Variants in FAM149B1 observed in about 807,000 individuals in gnomAD.
The protein encoded by FAM149B1 is family with sequence similarity 149 member B1.
Under a neutral mutation model 75.3 loss-of-function variants are expected in FAM149B1, and 56 were observed. The ratio of observed to expected loss-of-function variants is 0.74; its 90% CI spans 0.60 to 0.93. The LOEUF (loss-of-function observed/expected upper bound fraction) is 0.93. Among genes scored for constraint, FAM149B1 ranks in the 40% least tolerant of loss-of-function variants. The pLI, the probability that FAM149B1 is intolerant of heterozygous loss-of-function variation, is 0.00. For missense variants in FAM149B1, 639 were observed against 708.4 expected, an observed-to-expected ratio of 0.90 and a Z score of 1.11; for synonymous variants, 259 against 256.1, an observed-to-expected ratio of 1.01 and a Z score of -0.11.
chr10:73,213,878 G>C (rs983994407), intron 7 of FAM149B1, among the ~76,000 whole-genome samples: 13 of 152,120 alleles, frequency 8.5e-5, no homozygotes, highest in African/African-American at 2.9e-4. Flanking sequence ...TAATTTGATA[G>C]GGATTGTGTG....
At chr10:73,192,272 C>T (rs2042702920) in intron 3 of FAM149B1, 1 of 177,012 alleles carries the variant, frequency 5.6e-6, no homozygotes, top group South Asian at 1.1e-4. Flanking sequence ...ACAAAGAAAT[C>T]CATAAAGTGG....
chr10:73,210,546 A>G, intron 7 of FAM149B1, 108 bp downstream of exon 7: 1 of 729,694 alleles, frequency 1.4e-6, no homozygotes, highest in Non-Finnish European at 2.2e-6. Context: ...CGTATGGGCC[A>G]GGCACAGTGG....
chr10:73,176,537 G>T (rs1312187682), intron 2 of FAM149B1, among the ~76,000 whole-genome samples: 2 of 152,154 alleles, frequency 1.3e-5, no homozygotes, highest in Non-Finnish European at 2.9e-5. Context: ...TGGTTCTTCA[G>T]TCTCTCAGAA....
At position 73,210,250 on chromosome 10, in the gene FAM149B1, G is replaced by A. The variant is rs1168431912; in HGVS notation, c.711-1G>A. ...GTCTTTCCTTCTTGCTTCTGTTACA[G>A]AGAAGAGGGATTTCATGGGAAGAAA... On this transcript the variant is annotated splice_acceptor_variant, in intron 6 of 13. Transcript: ENST00000242505. LOFTEE classifies it high-confidence loss of function. The A allele has an allele frequency of 1.3e-6, 2 of 1,548,828 alleles. No homozygotes were observed. The highest frequency in any genetic ancestry group is 1.7e-6 in the Non-Finnish European group (2 of 1,144,978).
chr10:73,206,880 A>C (rs1319079288), intron 5 of FAM149B1, among the ~76,000 whole-genome samples: 1 of 152,132 alleles, frequency 6.6e-6, no homozygotes, highest in East Asian at 1.9e-4. Context: ...ACGCCACTGC[A>C]GTCCAGCTTG....
intron 10 of FAM149B1, chr10:73,234,531 T>C: frequency 3.0e-6 from 1 of 336,344 alleles, no homozygotes; most frequent in Non-Finnish European, 5.5e-6. Context: ...AGCAGAGAAG[T>C]GCAATACCAG....
chr10:73,217,688 C>T (rs1308504649), intron 7 of FAM149B1, among the ~76,000 whole-genome samples: 1 of 152,152 alleles, frequency 6.6e-6, no homozygotes, highest in Non-Finnish European at 1.5e-5. Flanking sequence ...TATAATATAA[C>T]GTGATCATGG....
At chr10:73,173,231 C>T (rs533989477) in intron 1 of FAM149B1, among the ~76,000 whole-genome samples, 5 of 152,252 alleles carry the variant, frequency 3.3e-5, no homozygotes, top group Non-Finnish European at 5.9e-5. Context: ...CACTCAGCTT[C>T]CCCCAATGAT....
At chr10:73,185,148 T>G (rs2042489660) in intron 3 of FAM149B1, among the ~76,000 whole-genome samples, 1 of 152,086 alleles carries the variant, frequency 6.6e-6, no homozygotes, top group South Asian at 2.1e-4. Flanking sequence ...AAGACATAAA[T>G]TAACAAATTG....
chr10:73,234,827 C>T lies in FAM149B1; in HGVS notation c.1363C>T (p.Pro455Ser). 6.4e-7 allele frequency: 1 copy of T among 1,551,560 alleles called. No homozygotes were observed. The highest frequency in any genetic ancestry group is 1.2e-5 in the South Asian group (1 of 84,066). Residue 455 changes from proline (P) to serine (S), a missense_variant, in exon 11 of 14, where the codon CCC becomes TCC. Physicochemically the swap from Pro to Ser is moderately conservative, Grantham distance 74. Coordinates refer to ENST00000242505, the MANE Select transcript of FAM149B1 (RefSeq NM_173348.2). ...ILRGARVPVAPDSLSSPSPTP... is the reference protein window; with the variant it reads ...ILRGARVPVASDSLSSPSPTP... ...TGGTGGGATCTGCAGCCCAGTGGCA[C>T]CCGACTCGCTCTCCTCTCCCTCACC... is the stretch of plus-strand genomic sequence containing the variant.
chr10:73,171,400 A>C (rs1053300919), intron 1 of FAM149B1, among the ~76,000 whole-genome samples: 2 of 152,190 alleles, frequency 1.3e-5, no homozygotes, highest in Non-Finnish European at 2.9e-5. Context: ...TAATAATGAT[A>C]ACCTGCTTTG....
In FAM149B1 at chr10:73,241,808, G is replaced by A. The variant is rs995196458; in HGVS notation, c.*789G>A. 8 of 152,104 alleles carry A rather than the reference G, an allele frequency of 5.3e-5. No individual in the cohort carries two copies. Among genetic ancestry groups the A allele is most frequent in the African/African-American group, 1.4e-4 (6 of 41,410 alleles). 9.4% of individuals were successfully genotyped at this position (152,104 alleles called of 1,614,324 possible). On this transcript the variant is annotated 3_prime_UTR_variant, in exon 14 of 14. Transcript: ENST00000242505. ...AAAATAATTTGTAGAATCTACTATT[G>A]AGCCACCAAAGTATAATTCCCTAAA...
chr10:73,234,698 C>T (rs11819270), intron 10 of FAM149B1, 119 bp from the exon 11 acceptor site: 5 of 1,090,390 alleles, frequency 4.6e-6, no homozygotes, highest in East Asian at 5.2e-5. Context: ...CATAGGTAGC[C>T]TAAAGCTTTC....
Position 73,239,317 on chromosome 10 carries a change from T to A in FAM149B1, c.1608T>A (p.Asp536Glu). ...TCTCCTCTTTTGTCTTGTAGCTGGA[T>A]ACACAGTATCGTCGCTCATGTGCAG... is the stretch of plus-strand genomic sequence containing the variant. ...RPNTTQSFLL[D>E]TQYRRSCAVE... The change falls in exon 13 of 14, where the codon GAT becomes GAA. Residue 536 changes from aspartate to glutamate, a missense_variant. Physicochemically the swap from Asp to Glu is conservative, Grantham distance 45. Coordinates refer to ENST00000242505, the MANE Select transcript of FAM149B1 (RefSeq NM_173348.2). 6.4e-7 allele frequency: 1 copy of A among 1,551,556 alleles called. No homozygotes were observed. Among genetic ancestry groups the A allele is most frequent in the Non-Finnish European group, 8.7e-7 (1 of 1,146,862 alleles).
In FAM149B1 at chr10:73,228,282, A is replaced by C. The variant is rs1395079685; in HGVS notation, c.1023+98A>C. On this transcript the variant is annotated intron_variant, in intron 8 of 13. Transcript: ENST00000242505. ...CCTTACTTGTATGATTTCTGACTCA[A>C]TATGTTTTAGTACAGTTATGTGTTT... 10 of 1,004,964 alleles carry C rather than the reference A, an allele frequency of 1.0e-5. No homozygotes were observed. The South Asian group carries it at 1.5e-4, about 15-fold the overall frequency. The allele number at this position is 1,004,964 out of a possible 1,614,324, so 62.3% of individuals were successfully genotyped here.
At chr10:73,218,694 T>G (rs2133380489) in intron 7 of FAM149B1, among the ~76,000 whole-genome samples, 1 of 152,318 alleles carries the variant, frequency 6.6e-6, no homozygotes, top group Non-Finnish European at 1.5e-5. Flanking sequence ...ACTCTAATCT[T>G]TTGATCTTTC....
chr10:73,193,433 C>A, intron 4 of FAM149B1, 44 bp from the exon 5 acceptor site: 1 of 1,527,096 alleles, frequency 6.5e-7, no homozygotes, highest in Non-Finnish European at 8.8e-7. Flanking sequence ...TGTATGTATG[C>A]CAGTGAAGGT....
At chr10:73,195,047 A>G (rs537001268) in intron 5 of FAM149B1, among the ~76,000 whole-genome samples, 43 of 152,356 alleles carry the variant, frequency 2.8e-4, no homozygotes, top group Non-Finnish European at 4.4e-4. Flanking sequence ...GTAGCAAAAT[A>G]AACCCAAATA....
chr10:73,216,696 C>T (rs763158946), intron 7 of FAM149B1, among the ~76,000 whole-genome samples: 2 of 152,106 alleles, frequency 1.3e-5, no homozygotes, highest in Non-Finnish European at 2.9e-5. Flanking sequence ...GCTTGGCTTC[C>T]CTGTCCCTCC....
Sources: allele counts gnomAD v4.1 joint callset (sites outside exome capture counted in the v4.1 genomes callset), GRCh38; gene constraint gnomAD v4.1.1; transcripts MANE v1.5; gene names NCBI Gene and HGNC (gene_info 2026-07-23, HGNC 2026-07-21).